Variants in CEP164 observed in about 807,000 individuals in gnomAD.
CEP164 encodes the protein centrosomal protein of 164 kDa.
Under a neutral mutation model 182.7 loss-of-function variants are expected in CEP164, and 162 were observed. The observed-to-expected ratio is 0.89, with a 90% CI of 0.78 to 1.01. CEP164 has a LOEUF of 1.01. Among genes scored for constraint, CEP164 ranks in the 50% least tolerant of loss-of-function variants. The pLI is 0.00. For synonymous variants in CEP164, 661 were observed against 690.0 expected (o/e 0.96, Z 0.66); for missense variants, 1,735 against 1,790.4 (o/e 0.97, Z 0.56).
intron 27 of CEP164, among the ~76,000 whole-genome samples, chr11:117,399,061 G>T (rs147156024): frequency 6.6e-6 from 1 of 151,962 alleles, no homozygotes; most frequent in African/African-American, 2.4e-5. Flanking sequence ...AGGTATATAC[G>T]TGTCATGGTG....
At chr11:117,354,022 CT>C (rs777619340) in intron 5 of CEP164, among the ~76,000 whole-genome samples, 24 of 142,088 alleles carry the variant, frequency 1.7e-4, no homozygotes, top group East Asian at 2.0e-4. Context: ...TCTTCTTCTT[CT>C]TTTTTTTTTT....
intron 5 of CEP164, chr11:117,356,239 G>A: frequency 9.1e-7 from 1 of 1,099,812 alleles, no homozygotes; most frequent in Non-Finnish European, 1.1e-6. Flanking sequence ...CTGAGGACCA[G>A]AGGTTCTACC....
chr11:117,361,630 T>G (rs923179930), intron 5 of CEP164, among the ~76,000 whole-genome samples: 1 of 152,160 alleles, frequency 6.6e-6, no homozygotes. Flanking sequence ...ATGAGACTTA[T>G]GAGAATCAGG....
At chr11:117,392,859 C>A in intron 19 of CEP164, 145 bp from the exon 20 acceptor site, 1 of 1,325,494 alleles carries the variant, frequency 7.5e-7, no homozygotes, top group Non-Finnish European at 1.1e-6. Flanking sequence ...GTGTGCTGAC[C>A]ATGGTGTCAT....
At chr11:117,392,354 C>A in intron 18 of CEP164, 51 bp downstream of exon 18, 1 of 1,584,042 alleles carries the variant, frequency 6.3e-7, no homozygotes, top group South Asian at 1.1e-5. Context: ...CAGAATTCAG[C>A]CCCATCCCTG....
intron 20 of CEP164, 43 bp downstream of exon 20, chr11:117,393,169 A>ACACACATGCACG: frequency 6.3e-7 from 1 of 1,597,200 alleles, no homozygotes; most frequent in Non-Finnish European, 8.5e-7. Context: ...ACACATGCAC[A>ACACACATGCACG]CACACATGCA....
intron 8 of CEP164, among the ~76,000 whole-genome samples, chr11:117,365,475 C>G (rs568132467): frequency 6.0e-4 from 92 of 152,254 alleles, no homozygotes; most frequent in African/African-American, 2.0e-3. Flanking sequence ...GTGGATTGAT[C>G]ATGATTTACT....
At chr11:117,406,147 C>T (rs565742748) in intron 27 of CEP164, among the ~76,000 whole-genome samples, 2 of 152,290 alleles carry the variant, frequency 1.3e-5, no homozygotes, top group South Asian at 2.1e-4. Context: ...TGGATAAAGA[C>T]GTACCTAAAA....
chr11:117,369,933 T>C (rs1317201402), intron 8 of CEP164, among the ~76,000 whole-genome samples: 1 of 152,224 alleles, frequency 6.6e-6, no homozygotes, highest in Non-Finnish European at 1.5e-5. Flanking sequence ...CTTAGCAGAT[T>C]GACAGCCTCC....
chr11:117,369,001 T>G (rs1407895455), intron 8 of CEP164, among the ~76,000 whole-genome samples: 1 of 152,224 alleles, frequency 6.6e-6, no homozygotes, highest in Admixed American at 6.5e-5. Context: ...CCACTGTGTC[T>G]AGTGGCCTCT....
In CEP164 at chr11:117,394,730, C is replaced by T. The variant is rs541746312; in HGVS notation, c.2761-190C>T. On this transcript the variant is annotated intron_variant, in intron 21 of 32. Transcript: ENST00000278935. The surrounding 1 kb of genome is among the most constrained non-coding windows in gnomAD (Gnocchi z 4.0). The stretch of plus-strand genomic sequence containing the variant: ...TAAGGCATTGGGGTTGGCACCTTTG[C>T]GTCTCCTTGCCCCAGCAGGAAGTAA... Among the ~76,000 whole-genome samples, 52 of 152,280 alleles carry T rather than the reference C, an allele frequency of 3.4e-4. No homozygotes were observed. The Middle Eastern group carries it at 0.017, about 50-fold the overall frequency.
chr11:117,356,267 G>C (rs2040282440), intron 5 of CEP164: 2 of 1,102,470 alleles, frequency 1.8e-6, no homozygotes, highest in African/African-American at 3.3e-5. Context: ...CCTGCAGATG[G>C]TCAAGATCTC....
intron 7 of CEP164, among the ~76,000 whole-genome samples, chr11:117,363,066 A>G (rs961547272): frequency 2.0e-5 from 3 of 152,192 alleles, no homozygotes; most frequent in African/African-American, 7.2e-5. Flanking sequence ...TCATCTGTCG[A>G]TGAATATATA....
Position 117,371,212 on chromosome 11 carries a change from G to A in CEP164, c.898G>A (p.Gly300Arg). Residue 300 changes from glycine (G) to arginine (R), a missense_variant, in exon 9 of 33, where the codon GGG becomes AGG. Transcript: ENST00000278935. ...DSSLSSAVGK[G>R]RQGSGARPGL... ...CAGTCTGAGCAGTGCTGTTGGCAAAGGGCGACAGGGAAGTGGAGCAAGACC... is the reference window on the plus strand; with the variant it reads ...CAGTCTGAGCAGTGCTGTTGGCAAAAGGCGACAGGGAAGTGGAGCAAGACC... 6.2e-7 allele frequency: 1 copy of A among 1,614,212 alleles called. No homozygotes were observed. Among genetic ancestry groups the A allele is most frequent in the Non-Finnish European group, 8.5e-7 (1 of 1,180,042 alleles).
At chr11:117,325,636 T>C (rs2035401266), upstream of CEP164, among the ~76,000 whole-genome samples, 1 of 152,138 alleles carries the variant, frequency 6.6e-6, no homozygotes, top group Non-Finnish European at 1.5e-5. Context: ...TCTGCCTGCC[T>C]CGGCCTCCCA....
chr11:117,364,840 ACTGTTCAGCATTTTGGCT>A, intron 8 of CEP164, among the ~76,000 whole-genome samples: 1 of 152,106 alleles, frequency 6.6e-6, no homozygotes, highest in Non-Finnish European at 1.5e-5. Context: ...AACCTCAGAA[ACTGTTCAGCATTTTGGCT>A]CTGCACAGTC....
chr11:117,336,498 T>A, intron 2 of CEP164: 1 of 1,511,564 alleles, frequency 6.6e-7, no homozygotes, highest in Non-Finnish European at 9.1e-7. Flanking sequence ...GGGGAACTCC[T>A]AGGGGAGGAG....
chr11:117,396,516 A>G, intron 25 of CEP164, 34 bp from the exon 26 acceptor site: 1 of 1,580,752 alleles, frequency 6.3e-7, no homozygotes. Flanking sequence ...TGCTTTTGCT[A>G]CACTCAGTGG....
At chr11:117,352,574 G>A (rs993635850) in intron 5 of CEP164, among the ~76,000 whole-genome samples, 1 of 152,140 alleles carries the variant, frequency 6.6e-6, no homozygotes, top group Non-Finnish European at 1.5e-5. Flanking sequence ...AAGTTTAACT[G>A]CAATGTGATT....
Sources: allele counts gnomAD v4.1 joint callset (sites outside exome capture counted in the v4.1 genomes callset), GRCh38; gene constraint gnomAD v4.1.1; non-coding constraint Gnocchi (gnomAD v3.1); transcripts MANE v1.5; gene names NCBI Gene and HGNC (gene_info 2026-07-23, HGNC 2026-07-21).